Variants in CCDC144A observed in about 807,000 individuals in gnomAD.
The protein encoded by CCDC144A is coiled-coil domain containing 144A, also known as coiled-coil domain-containing protein 144A.
CCDC144A carries 41 observed loss-of-function variants against 143.8 expected under a neutral mutation model. The ratio of observed to expected loss-of-function variants is 0.29; its 90% CI spans 0.22 to 0.37. CCDC144A has a LOEUF of 0.37. Among genes scored for constraint, CCDC144A ranks in the 10% least tolerant of loss-of-function variants. CCDC144A has a pLI of 1.00. For synonymous variants in CCDC144A, 242 were observed against 517.9 expected (o/e 0.47, Z 7.23); for missense variants, 637 against 1,488.8 (o/e 0.43, Z 9.41).
chr17:16,735,439 G>A lies in CCDC144A; in HGVS notation c.3168G>A (p.Leu1056=). 1 of 1,612,800 alleles carries A rather than the reference G, an allele frequency of 6.2e-7. No individual in the cohort carries two copies. Among genetic ancestry groups the A allele is most frequent in the Admixed American group, 1.7e-5 (1 of 60,000 alleles). ...QSENMLLRQQ[L]DDAHKKANSQ... ...AAAATATGTTGCTTCGACAGCAACT[G>A]GATGATGCTCACAAGAAAGCTAACA... The change falls in exon 12 of 17, where the codon CTG becomes CTA. Residue 1056 remains leucine, a synonymous_variant. Transcript: ENST00000399273.
chr17:16,726,713 C>T (rs1011487195), intron 8 of CCDC144A, among the ~76,000 whole-genome samples: 1 of 152,042 alleles, frequency 6.6e-6, no homozygotes, highest in Non-Finnish European at 1.5e-5. Flanking sequence ...CACACATGTG[C>T]TGTTTGTTAC....
intron 15 of CCDC144A, among the ~76,000 whole-genome samples, chr17:16,767,794 G>C (rs1915668877): frequency 6.6e-6 from 1 of 152,220 alleles, no homozygotes; most frequent in African/African-American, 2.4e-5. Flanking sequence ...ACTGGTTGTT[G>C]AAACAAGTTT....
the CCDC144A span, among the ~76,000 whole-genome samples, chr17:16,667,389 G>C: frequency 6.6e-6 from 1 of 151,704 alleles, no homozygotes; most frequent in Non-Finnish European, 1.5e-5. Context: ...GCTGGTGAGG[G>C]GCTTGAGGGG....
upstream of CCDC144A, among the ~76,000 whole-genome samples, chr17:16,688,328 A>G (rs1910852907): frequency 6.6e-6 from 1 of 151,902 alleles, no homozygotes; most frequent in Non-Finnish European, 1.5e-5. Context: ...ATCACCCTTC[A>G]AGGCCTACCC....
chr17:16,755,721 G>A (rs1435065348), intron 12 of CCDC144A, among the ~76,000 whole-genome samples: 1 of 152,108 alleles, frequency 6.6e-6, no homozygotes, highest in Admixed American at 6.5e-5. Context: ...CACCATGCCT[G>A]GCTAATTTTG....
chr17:16,699,820 T>A (rs1466198482), intron 2 of CCDC144A, among the ~76,000 whole-genome samples: 1 of 151,966 alleles, frequency 6.6e-6, no homozygotes, highest in Non-Finnish European at 1.5e-5. Context: ...AATAGGATTG[T>A]TGCTTTTTAA....
upstream of CCDC144A, among the ~76,000 whole-genome samples, chr17:16,687,156 C>T (rs1248278586): frequency 6.6e-6 from 1 of 152,146 alleles, no homozygotes; most frequent in East Asian, 1.9e-4. Context: ...TTTCCATCTT[C>T]CCTCAGTCAG....
intron 6 of CCDC144A, among the ~76,000 whole-genome samples, chr17:16,713,785 G>C (rs1429455184): frequency 1.3e-5 from 2 of 152,108 alleles, no homozygotes; most frequent in Admixed American, 1.3e-4. Flanking sequence ...ATAGTATATA[G>C]TTATATAAGA....
At chr17:16,746,321 C>T (rs1289415159) in intron 12 of CCDC144A, 5 of 1,132,874 alleles carry the variant, frequency 4.4e-6, no homozygotes, top group South Asian at 1.6e-5. Context: ...TTCCTCTTCC[C>T]GCAAACGTTT....
intron 6 of CCDC144A, among the ~76,000 whole-genome samples, chr17:16,712,399 C>T (rs1912506993): frequency 6.6e-6 from 1 of 151,902 alleles, no homozygotes; most frequent in South Asian, 2.1e-4. Context: ...TTGATGAATC[C>T]TTTTTGTAGG....
intron 5 of CCDC144A, among the ~76,000 whole-genome samples, chr17:16,711,161 A>AAAAAAAAAAAAAAAAAAAAAAAAT (rs1191359914): frequency 6.9e-6 from 1 of 145,836 alleles, no homozygotes; most frequent in Non-Finnish European, 1.5e-5. Context: ...AAAAAAAACA[A>AAAAAAAAAAAAAAAAAAAAAAAAT]AAGTTAGTGG....
At position 16,720,170 on chromosome 17, in the gene CCDC144A, T is replaced by G. The variant is rs767915154; in HGVS notation, c.1716-28T>G. The G allele has an allele frequency of 1.6e-5, 24 of 1,509,622 alleles. No individual in the cohort carries two copies. In the East Asian group the frequency reaches 4.7e-4, roughly 29 times the overall value. 93.5% of individuals were successfully genotyped at this position (1,509,622 alleles called of 1,614,324 possible). ...TTGTATTTTACATCTTTGCTATTTT[T>G]CTAAAAGGAATTGTTTTTTTTTTTC... On this transcript the variant is annotated intron_variant, in intron 6 of 16. Coordinates refer to ENST00000399273, the MANE Select transcript of CCDC144A (RefSeq NM_001382000.1).
At chr17:16,682,883 G>GGTTTTTTTTTT in the CCDC144A span, among the ~76,000 whole-genome samples, 1 of 46,432 alleles carries the variant, frequency 2.2e-5, no homozygotes, top group African/African-American at 5.8e-5. Flanking sequence ...TGGATTCTCT[G>GGTTTTTTTTTT]TTTTTTTTTT....
At chr17:16,679,918 A>G in the CCDC144A span, among the ~76,000 whole-genome samples, 1 of 152,152 alleles carries the variant, frequency 6.6e-6, no homozygotes, top group African/African-American at 2.4e-5. Flanking sequence ...CAAAGTAATC[A>G]CATTTCTTTT....
chr17:16,729,240 C>T (rs1285870502), intron 9 of CCDC144A, among the ~76,000 whole-genome samples: 1 of 152,180 alleles, frequency 6.6e-6, no homozygotes, highest in African/African-American at 2.4e-5. Flanking sequence ...ACCACATCTG[C>T]ACCAACATCT....
chr17:16,777,102 TA>T lies in CCDC144A; in HGVS notation c.*3474del, dbSNP rs1364203840. On this transcript the variant is annotated 3_prime_UTR_variant, in exon 17 of 17. Coordinates refer to ENST00000399273, the MANE Select transcript of CCDC144A (RefSeq NM_001382000.1). ...ACGGACTTTAAGACAACAGCAGTTT[TA>T]AAAAGACAAAGAGGGACATTATATA... The T allele has an allele frequency of 1.4e-5, 2 of 139,686 alleles. No homozygotes were observed. The highest frequency in any genetic ancestry group is 5.6e-5 in the African/African-American group (2 of 35,864). 8.7% of individuals were successfully genotyped at this position (139,686 alleles called of 1,614,324 possible).
chr17:16,745,803 C>T (rs1914473712), intron 12 of CCDC144A: 1 of 1,610,208 alleles, frequency 6.2e-7, no homozygotes, highest in South Asian at 1.1e-5. Flanking sequence ...ACTGTCGTCA[C>T]ACCTCTGCGC....
intron 15 of CCDC144A, among the ~76,000 whole-genome samples, chr17:16,766,856 T>C (rs1915619401): frequency 6.6e-6 from 1 of 152,232 alleles, no homozygotes; most frequent in Non-Finnish European, 1.5e-5. Flanking sequence ...TGTTCATTTT[T>C]TAGTATTTCT....
the CCDC144A span, among the ~76,000 whole-genome samples, chr17:16,672,848 A>G: frequency 3.3e-5 from 5 of 152,084 alleles, no homozygotes; most frequent in East Asian, 1.9e-4. Context: ...TTGTGTCAAT[A>G]TTTGTGTGAT....
Sources: allele counts gnomAD v4.1 joint callset (sites outside exome capture counted in the v4.1 genomes callset), GRCh38; gene constraint gnomAD v4.1.1; transcripts MANE v1.5; gene names NCBI Gene and HGNC (gene_info 2026-07-23, HGNC 2026-07-21).